ARMC2: variants seen among roughly 807,000 people sequenced by gnomAD.
ARMC2 encodes armadillo repeat-containing protein 2.
A neutral mutation model predicts 90.3 loss-of-function variants in ARMC2; 67 were observed. The observed-to-expected ratio is 0.74, with a 90% CI of 0.61 to 0.91. The LOEUF is 0.91. Ranked by LOEUF, ARMC2 falls within the 40% of genes least tolerant of loss-of-function variation. The pLI, the probability that ARMC2 is intolerant of heterozygous loss-of-function variation, is 0.00. For missense variants in ARMC2, 920 were observed against 1,030.9 expected, an observed-to-expected ratio of 0.89 and a Z score of 1.47; for synonymous variants, 393 against 393.0, an observed-to-expected ratio of 1.00 and a Z score of 0.00.
At chr6:108,930,239 A>G (rs1775423774) in intron 11 of ARMC2, among the ~76,000 whole-genome samples, 1 of 152,222 alleles carries the variant, frequency 6.6e-6, no homozygotes, top group South Asian at 2.1e-4. Context: ...TATGTATTTT[A>G]GCTGTCTCCT....
intron 6 of ARMC2, 39 bp from the exon 7 acceptor site, chr6:108,899,655 T>G: frequency 4.6e-6 from 7 of 1,533,466 alleles, no homozygotes; most frequent in Non-Finnish European, 6.3e-6. Flanking sequence ...ACAACTCCTT[T>G]TTCATAGCTT....
Position 108,854,271 on chromosome 6 carries a change from C to T in ARMC2, c.4C>T (p.Leu2=). ...ATATTTTACTTTCAAAGGAAAGATG[C>T]TGTCTCCAAATGATAAAATGTTAGG... M[L]SPNDKMLGKL... The change falls in exon 2 of 18, where the codon CTG becomes TTG. Residue 2 remains leucine (L), a synonymous_variant. Coordinates refer to ENST00000392644, the MANE Select transcript of ARMC2 (RefSeq NM_032131.6). The T allele has an allele frequency of 6.2e-7, 1 of 1,600,602 alleles. No individual in the cohort carries two copies. Among genetic ancestry groups the T allele is most frequent in the Non-Finnish European group, 8.5e-7 (1 of 1,173,216 alleles).
At chr6:108,998,823 A>C in the ARMC2 span, 9 of 1,482,362 alleles carry the variant, frequency 6.1e-6, no homozygotes, top group Non-Finnish European at 8.1e-6. Flanking sequence ...AGTTCATTTT[A>C]GTATTTAATT....
intron 5 of ARMC2, among the ~76,000 whole-genome samples, chr6:108,883,862 ATTC>A (rs1438402964): frequency 2.0e-5 from 3 of 151,852 alleles, no homozygotes; most frequent in Admixed American, 2.0e-4. Flanking sequence ...CTGTTCTTTC[ATTC>A]TTCTATCTTT....
chr6:108,964,141 G>A (rs1231503114), intron 15 of ARMC2, 39 bp from the exon 16 acceptor site: 5 of 1,591,428 alleles, frequency 3.1e-6, no homozygotes, highest in African/African-American at 1.4e-5. Flanking sequence ...TGGGAATCCT[G>A]AACTTTTACT....
At chr6:108,996,734 G>A in the ARMC2 span, among the ~76,000 whole-genome samples, 1 of 152,074 alleles carries the variant, frequency 6.6e-6, no homozygotes, top group Non-Finnish European at 1.5e-5. Context: ...TCTTGGGTAT[G>A]TCTTTATTAG....
chr6:108,895,675 ATTG>A (rs915340515), intron 6 of ARMC2, among the ~76,000 whole-genome samples: 4 of 152,192 alleles, frequency 2.6e-5, no homozygotes, highest in African/African-American at 9.7e-5. Flanking sequence ...CTTTTGTAAT[ATTG>A]TAATATTGAG....
At chr6:108,875,566 C>G (rs115554913) in intron 4 of ARMC2, among the ~76,000 whole-genome samples, 1 of 152,190 alleles carries the variant, frequency 6.6e-6, no homozygotes, top group Non-Finnish European at 1.5e-5. Context: ...GCTGTACCCA[C>G]CCTATTCCCA....
At chr6:108,944,347 A>C (rs993834167) in intron 12 of ARMC2, among the ~76,000 whole-genome samples, 7 of 152,220 alleles carry the variant, frequency 4.6e-5, no homozygotes, top group African/African-American at 1.7e-4. Context: ...AGGATGGTAC[A>C]TTAGTCTTTT....
At chr6:108,854,506 A>G in intron 2 of ARMC2, 21 bp downstream of exon 2, 1 of 1,601,068 alleles carries the variant, frequency 6.2e-7, no homozygotes, top group Admixed American at 1.7e-5. Flanking sequence ...TTTCACATTC[A>G]TGTTCATTCA....
At chr6:108,876,655 G>A (rs143425820) in intron 5 of ARMC2, among the ~76,000 whole-genome samples, 6 of 152,228 alleles carry the variant, frequency 3.9e-5, no homozygotes, top group East Asian at 3.9e-4. Flanking sequence ...TGATCATTCC[G>A]TTTGTATGTT....
intron 10 of ARMC2, among the ~76,000 whole-genome samples, chr6:108,926,379 C>T (rs1775101458): frequency 6.6e-6 from 1 of 152,138 alleles, no homozygotes; most frequent in Non-Finnish European, 1.5e-5. Context: ...TGAGAATTTT[C>T]CATTTTATGA....
chr6:108,858,066 G>A, intron 2 of ARMC2, 133 bp from the exon 3 acceptor site: 1 of 561,902 alleles, frequency 1.8e-6, no homozygotes, highest in Non-Finnish European at 3.0e-6. Flanking sequence ...ACAATAACAT[G>A]AAAAAATGTT....
chr6:109,007,083 A>G, the ARMC2 span, among the ~76,000 whole-genome samples: 3 of 152,290 alleles, frequency 2.0e-5, no homozygotes, highest in African/African-American at 7.2e-5. Context: ...TCCCCTCAAC[A>G]ACCTAATAAC....
intron 12 of ARMC2, among the ~76,000 whole-genome samples, chr6:108,951,523 T>C (rs1363940332): frequency 6.6e-6 from 1 of 152,206 alleles, no homozygotes; most frequent in Non-Finnish European, 1.5e-5. Context: ...GTTTGGCAAA[T>C]GGTTTCCGGT....
At chr6:108,922,638 T>G (rs2128481735) in intron 10 of ARMC2, among the ~76,000 whole-genome samples, 1 of 152,230 alleles carries the variant, frequency 6.6e-6, no homozygotes, top group East Asian at 1.9e-4. Flanking sequence ...TAGTACATTT[T>G]TTCCCTTTAA....
At chr6:108,942,472 T>C (rs1776522069) in intron 12 of ARMC2, among the ~76,000 whole-genome samples, 1 of 152,198 alleles carries the variant, frequency 6.6e-6, no homozygotes, top group South Asian at 2.1e-4. Flanking sequence ...CTGATGTGAG[T>C]GTATTGATCT....
chr6:109,029,397 T>A, the ARMC2 span, among the ~76,000 whole-genome samples: 1 of 152,250 alleles, frequency 6.6e-6, no homozygotes, highest in Non-Finnish European at 1.5e-5. Flanking sequence ...GAAGCAGGAA[T>A]GATTTTGCTT....
chr6:108,914,997 G>T (rs1411988305), intron 10 of ARMC2, among the ~76,000 whole-genome samples: 1 of 151,562 alleles, frequency 6.6e-6, no homozygotes, highest in Non-Finnish European at 1.5e-5. Context: ...TTGTCACCCA[G>T]GTTGGAGTGC....
Sources: gnomAD v4.1 joint callset for allele counts (sites outside exome capture counted in the v4.1 genomes callset) on GRCh38, gnomAD v4.1.1 for gene constraint, MANE v1.5 for transcripts, NCBI Gene and HGNC (gene_info 2026-07-23, HGNC 2026-07-21) for gene names.